PCDHGA1: variants seen among roughly 807,000 people sequenced by gnomAD.
The protein encoded by PCDHGA1 is protocadherin gamma-A1.
PCDHGA1 carries 32 observed loss-of-function variants against 58.0 expected under a neutral mutation model. The ratio of observed to expected loss-of-function variants is 0.55; its 90% CI spans 0.42 to 0.74. PCDHGA1 has a LOEUF of 0.74. Among genes scored for constraint, PCDHGA1 ranks in the 30% least tolerant of loss-of-function variants. The pLI, the probability that PCDHGA1 is intolerant of heterozygous loss-of-function variation, is 0.00. For synonymous variants in PCDHGA1, 498 were observed against 501.1 expected (o/e 0.99, Z 0.08); for missense variants, 1,205 against 1,182.3 (o/e 1.02, Z -0.28).
chr5:141,432,413 G>T lies in PCDHGA1; in HGVS notation c.2422-62394G>T, dbSNP rs369816901. On this transcript the variant is annotated intron_variant, in intron 1 of 3. Transcript: ENST00000517417. This position sits in a 1 kb window ranked among gnomAD's most constrained non-coding sequence, Gnocchi z 6.0. ...CAGCAACGTGTCGTTGAGCCTGTTCGTGCTGGACCAGAACGACAATGCGCC... is the reference window on the plus strand; with the variant it reads ...CAGCAACGTGTCGTTGAGCCTGTTCTTGCTGGACCAGAACGACAATGCGCC... The T allele has an allele frequency of 6.2e-7, 1 of 1,614,232 alleles. No homozygotes were observed.
chr5:141,332,874 C>T lies in PCDHGA1; in HGVS notation c.2190C>T (p.Gly730=). The part of the protein sequence containing the change: ...HKSRLLQASG[G]GLASMPGSHF... ...CACGTCTGCTACAGGCTTCGGGAGG[C>T]GGCTTAGCGAGCATGCCCGGTTCGC... is the stretch of plus-strand genomic sequence containing the variant. Residue 730 remains glycine (G), a synonymous_variant, in exon 1 of 4, where the codon GGC becomes GGT. Transcript: ENST00000517417. The surrounding 1 kb of genome is among the most constrained non-coding windows in gnomAD (Gnocchi z 4.6). 6.2e-7 allele frequency: 1 copy of T among 1,614,230 alleles called. No homozygotes were observed. The highest frequency in any genetic ancestry group is 2.2e-5 in the East Asian group (1 of 44,882).
chr5:141,348,136 CAT>C (rs1251540937), intron 1 of PCDHGA1, among the ~76,000 whole-genome samples: 2 of 152,178 alleles, frequency 1.3e-5, no homozygotes, highest in Non-Finnish European at 1.5e-5. Context: ...CTCATGAAAT[CAT>C]ATGAGAGTTA....
At position 141,332,315 on chromosome 5, in the gene PCDHGA1, GCAA is replaced by G. The variant is rs756121391; in HGVS notation, c.1633_1635del (p.Asn545del). ...GACAGTGGGGATCCGCCCCTCAGCAGCAACGTGTCTCTCAGCCTATTCCTGCTG... is the reference window on the plus strand; with the variant it reads ...GACAGTGGGGATCCGCCCCTCAGCAGCGTGTCTCTCAGCCTATTCCTGCTG... On this transcript the variant is annotated inframe_deletion, in exon 1 of 4. Transcript: ENST00000517417. The surrounding 1 kb of genome is among the most constrained non-coding windows in gnomAD (Gnocchi z 4.6). The G allele has an allele frequency of 6.2e-7, 1 of 1,614,184 alleles. No homozygotes were observed. Among genetic ancestry groups the G allele is most frequent in the South Asian group, 1.1e-5 (1 of 91,080 alleles).
chr5:141,341,407 T>C (rs761011943), intron 1 of PCDHGA1: 2 of 1,614,154 alleles, frequency 1.2e-6, no homozygotes, highest in Non-Finnish European at 1.7e-6. Flanking sequence ...TAATCTATCT[T>C]TTCACAACAT....
chr5:141,403,388 G>A (rs1376620471), intron 1 of PCDHGA1: 1 of 1,613,904 alleles, frequency 6.2e-7, no homozygotes, highest in African/African-American at 1.3e-5. Context: ...TAACGAAATC[G>A]CGGTTCCTGG....
chr5:141,421,750 C>A lies in PCDHGA1; in HGVS notation c.2422-73057C>A, dbSNP rs766529731. On this transcript the variant is annotated intron_variant, in intron 1 of 3. Coordinates refer to ENST00000517417, the MANE Select transcript of PCDHGA1 (RefSeq NM_018912.3). ...CTCCCTCCAGAGCTACCAGCTCAGC[C>A]CTAATAATTACTTTTCCTTGCAACT... 4.3e-6 allele frequency: 7 copies of A among 1,613,788 alleles called. No individual in the cohort carries two copies. Among genetic ancestry groups the A allele is most frequent in the Non-Finnish European group, 5.9e-6 (7 of 1,179,864 alleles).
In PCDHGA1 at chr5:141,477,491, C is replaced by T; in HGVS notation, c.2422-17316C>T. 1 of 1,614,154 alleles carries T rather than the reference C, an allele frequency of 6.2e-7. No homozygotes were observed. The highest frequency in any genetic ancestry group is 8.5e-7 in the Non-Finnish European group (1 of 1,180,022). On this transcript the variant is annotated intron_variant, in intron 1 of 3. Coordinates refer to ENST00000517417, the MANE Select transcript of PCDHGA1 (RefSeq NM_018912.3). The surrounding 1 kb of genome is among the most constrained non-coding windows in gnomAD (Gnocchi z 4.9). ...CAATGACAACCCTCCACAATCTTCT[C>T]AATCTTCCTACGACGTTTACATTGA...
rs1221067458 is a variant in PCDHGA1 at position 141,491,658 on chromosome 5, C to T, written c.2422-3149C>T. The T allele has an allele frequency of 3.1e-6, 5 of 1,613,822 alleles. No individual in the cohort carries two copies. The highest frequency in any genetic ancestry group is 2.2e-5 in the South Asian group (2 of 91,088). Reference sequence around the variant, plus strand: ...CCACAGCTCTGGCGCTGGAGCCTGACGCCATCCGGTCCCGCTCTAATACGC... The same window carrying T: ...CCACAGCTCTGGCGCTGGAGCCTGATGCCATCCGGTCCCGCTCTAATACGC... On this transcript the variant is annotated intron_variant, in intron 1 of 3. Coordinates refer to ENST00000517417, the MANE Select transcript of PCDHGA1 (RefSeq NM_018912.3). The surrounding 1 kb of genome is among the most constrained non-coding windows in gnomAD (Gnocchi z 6.9).
rs749097286 is a variant in PCDHGA1, at chr5:141,340,927, C to T, written c.2421+7822C>T. ...TGGCCATCCAGGACCACGGCCAGCC[C>T]CCTCTCTCCGCCACTGTCACGCTCA... On this transcript the variant is annotated intron_variant, in intron 1 of 3. Coordinates refer to ENST00000517417, the MANE Select transcript of PCDHGA1 (RefSeq NM_018912.3). 5.0e-6 allele frequency: 8 copies of T among 1,613,810 alleles called. No individual in the cohort carries two copies. In the Admixed American group the frequency reaches 6.7e-5, roughly 13 times the overall value.
At chr5:141,361,145 T>A in intron 1 of PCDHGA1, 1 of 1,613,964 alleles carries the variant, frequency 6.2e-7, no homozygotes, top group East Asian at 2.2e-5. Context: ...CAAGTTGAAA[T>A]TCTTGATGAC....
At chr5:141,504,303 G>A (rs1157625808) in intron 2 of PCDHGA1, among the ~76,000 whole-genome samples, 4 of 151,938 alleles carry the variant, frequency 2.6e-5, no homozygotes, top group Admixed American at 2.6e-4. Context: ...TTCAACACTC[G>A]GAGTTTCTAA....
intron 1 of PCDHGA1, chr5:141,400,237 A>C (rs1375797222): frequency 3.7e-6 from 6 of 1,613,750 alleles, no homozygotes; most frequent in African/African-American, 1.3e-5. Flanking sequence ...CCTGGCCGTG[A>C]TTCTGGCCGT....
intron 1 of PCDHGA1, chr5:141,415,275 G>A (rs1242620005): frequency 5.6e-6 from 9 of 1,614,094 alleles, no homozygotes; most frequent in East Asian, 4.5e-5. Flanking sequence ...TGGTGGTAGC[G>A]GTGGCCGCGG....
rs1396618267 is a variant in PCDHGA1, at chr5:141,421,234, A to T, written c.2422-73573A>T. On this transcript the variant is annotated intron_variant, in intron 1 of 3. Coordinates refer to ENST00000517417, the MANE Select transcript of PCDHGA1 (RefSeq NM_018912.3). ...TATCGGCTTAGAGCCTGCCATGGCG[A>T]ATCGGCTACAGCGCGGGGACCGCAG... 7 of 1,593,656 alleles carry T rather than the reference A, an allele frequency of 4.4e-6. No homozygotes were observed. In the African/African-American group the frequency reaches 9.4e-5, roughly 21 times the overall value.
Position 141,511,065 on chromosome 5 carries a change from C to T in PCDHGA1, c.2688C>T (p.Ile896=). Residue 896 remains isoleucine, a synonymous_variant, in exon 4 of 4, where the codon ATC becomes ATT. Transcript: ENST00000517417. ...HVPDYRQNVY[I]PGSNATLTNA... ...CCGACTACCGCCAGAATGTCTACATCCCAGGCAGCAATGCCACACTGACCA... is the reference window on the plus strand; with the variant it reads ...CCGACTACCGCCAGAATGTCTACATTCCAGGCAGCAATGCCACACTGACCA... The T allele has an allele frequency of 6.2e-7, 1 of 1,614,222 alleles. No individual in the cohort carries two copies. Among genetic ancestry groups the T allele is most frequent in the Middle Eastern group, 1.6e-4 (1 of 6,062 alleles).
intron 1 of PCDHGA1, chr5:141,423,979 G>A: frequency 9.0e-7 from 1 of 1,115,484 alleles, no homozygotes. Flanking sequence ...CAGTGTATGA[G>A]GCTCTCAATT....
Position 141,506,991 on chromosome 5 carries a change from C to T in PCDHGA1, c.2569+1510C>T, listed in dbSNP as rs190455068. 3 of 152,366 alleles carry T rather than the reference C, an allele frequency of 2.0e-5. No homozygotes were observed. In the East Asian group the frequency reaches 5.8e-4, roughly 29 times the overall value. The allele number at this position is 152,366 out of a possible 1,614,324, so 9.4% of individuals were successfully genotyped here. A position where few individuals can be genotyped will look rare whatever the true frequency, so the allele number is the denominator to read the frequency against. The stretch of plus-strand genomic sequence containing the variant: ...TGCAAGGCAGGTCTGATTTCTCACA[C>T]TCGACAGATGAGAGAACCGAGAAGG... On this transcript the variant is annotated intron_variant, in intron 3 of 3. Coordinates refer to ENST00000517417, the MANE Select transcript of PCDHGA1 (RefSeq NM_018912.3).
At chr5:141,376,753 C>A in intron 1 of PCDHGA1, 1 of 450,078 alleles carries the variant, frequency 2.2e-6, no homozygotes, top group South Asian at 2.7e-5. Flanking sequence ...GTGGCGCAAT[C>A]TCGGCTCACT....
At chr5:141,418,802 T>G (rs775155011) in intron 1 of PCDHGA1, 1 of 1,613,862 alleles carries the variant, frequency 6.2e-7, no homozygotes, top group Non-Finnish European at 8.5e-7. Flanking sequence ...AGTAGAAAGA[T>G]ATACGATAAA....
Sources: allele counts gnomAD v4.1 joint callset (sites outside exome capture counted in the v4.1 genomes callset), GRCh38; gene constraint gnomAD v4.1.1; non-coding constraint Gnocchi (gnomAD v3.1); transcripts MANE v1.5; gene names NCBI Gene and HGNC (gene_info 2026-07-23, HGNC 2026-07-21).